Variants in HUNK observed in about 807,000 individuals in gnomAD.
HUNK encodes hormonally up-regulated Neu-associated kinase.
A neutral mutation model predicts 61.0 loss-of-function variants in HUNK; 21 were observed. The observed-to-expected ratio is 0.34, with a 90% confidence interval of 0.24 to 0.50. The LOEUF is 0.50. Ranked by LOEUF, HUNK falls within the 20% of genes least tolerant of loss-of-function variation. The probability of loss-of-function intolerance (pLI) is 0.98; values close to 1 mark genes in which losing one functional copy is unlikely to be tolerated. For missense variants in HUNK, 772 were observed against 945.7 expected (o/e 0.82, Z 2.41); for synonymous variants, 371 against 386.1 (o/e 0.96, Z 0.46).
chr21:31,873,674 G>T lies in HUNK; in HGVS notation c.-1G>T, dbSNP rs1482002806. On this transcript the variant is annotated 5_prime_UTR_variant, in exon 1 of 11. Coordinates refer to ENST00000270112, the MANE Select transcript of HUNK (RefSeq NM_014586.2). The surrounding 1 kb of genome is among the most constrained non-coding windows in gnomAD (Gnocchi z 6.1). ...GAGCCGCGCGGGCCGCGGCGAGCGCGATGCCGGCGGCGGCGGGGGACGGGC... is the reference window on the plus strand; with the variant it reads ...GAGCCGCGCGGGCCGCGGCGAGCGCTATGCCGGCGGCGGCGGGGGACGGGC... 9.9e-7 allele frequency: 1 copy of T among 1,009,344 alleles called. No homozygotes were observed. 62.5% of individuals were successfully genotyped at this position (1,009,344 alleles called of 1,614,324 possible). A position where few individuals can be genotyped will look rare whatever the true frequency, so the allele number is the denominator to read the frequency against.
chr21:31,912,628 A>G (rs1041750680), intron 1 of HUNK, among the ~76,000 whole-genome samples: 1 of 151,916 alleles, frequency 6.6e-6, no homozygotes, highest in African/African-American at 2.4e-5. Flanking sequence ...TGCAGCGTCA[A>G]CCTCCCAGGG....
At chr21:31,987,034 C>T (rs1045368822) in intron 8 of HUNK, among the ~76,000 whole-genome samples, 13 of 152,206 alleles carry the variant, frequency 8.5e-5, no homozygotes, top group African/African-American at 3.1e-4. Flanking sequence ...CACACGATGC[C>T]TGGCATGTAG....
In HUNK at chr21:31,951,191, A is replaced by AATAT. The variant is rs60578023; in HGVS notation, c.746+5034_746+5037dup. Among the ~76,000 whole-genome samples, 340 of 147,832 alleles carry AATAT rather than the reference A, an allele frequency of 2.3e-3. 4 individuals are homozygous for AATAT. Among genetic ancestry groups the AATAT allele is most frequent in the South Asian group, 0.016 (77 of 4,676 alleles). On this transcript the variant is annotated intron_variant, in intron 4 of 10. Coordinates refer to ENST00000270112, the MANE Select transcript of HUNK (RefSeq NM_014586.2). ...TCCTTTACCCCAGATTATATGTATA[A>AATAT]ATATATATATATATATAAAAATAAC...
At chr21:31,915,721 C>G (rs574591940) in intron 1 of HUNK, among the ~76,000 whole-genome samples, 2 of 152,260 alleles carry the variant, frequency 1.3e-5, no homozygotes, top group African/African-American at 2.4e-5. Context: ...ATCCTGTTAA[C>G]TCTGATCCTA....
At chr21:31,877,898 G>T (rs549433434) in intron 1 of HUNK, among the ~76,000 whole-genome samples, 7 of 152,158 alleles carry the variant, frequency 4.6e-5, no homozygotes, top group Non-Finnish European at 1.0e-4. Flanking sequence ...CTTGGGGGCT[G>T]CTGCATGATC....
intron 8 of HUNK, 152 bp downstream of exon 8, chr21:31,983,761 A>C (rs1211257175): frequency 1.6e-6 from 1 of 611,596 alleles, no homozygotes. Flanking sequence ...AATGGTTTAC[A>C]GCGGAACCAG....
chr21:31,913,517 C>T lies in HUNK; in HGVS notation c.262-10951C>T, dbSNP rs1387009693. Among the ~76,000 whole-genome samples, 4 of 151,762 alleles carry T rather than the reference C, an allele frequency of 2.6e-5. No homozygotes were observed. The East Asian group carries it at 7.8e-4, about 30-fold the overall frequency. On this transcript the variant is annotated intron_variant, in intron 1 of 10. Transcript: ENST00000270112. The stretch of plus-strand genomic sequence containing the variant: ...GCAGGGTGGCTGGAGGAGGATGTTA[C>T]AGTAGGGCCACCTGTGGATGGTTAC...
chr21:31,976,704 C>T (rs1693416170), intron 7 of HUNK, among the ~76,000 whole-genome samples: 1 of 150,994 alleles, frequency 6.6e-6, no homozygotes, highest in Admixed American at 6.6e-5. Context: ...TGACTTCAAG[C>T]GATCCTCCTA....
intron 1 of HUNK, among the ~76,000 whole-genome samples, chr21:31,887,899 G>T (rs1027200193): frequency 1.3e-5 from 2 of 152,142 alleles, no homozygotes; most frequent in South Asian, 4.2e-4. Flanking sequence ...GTAAAAACCT[G>T]CAGGAAAGAA....
intron 4 of HUNK, among the ~76,000 whole-genome samples, chr21:31,951,502 C>T (rs960444576): frequency 5.9e-5 from 9 of 152,038 alleles, no homozygotes; most frequent in African/African-American, 1.9e-4. Flanking sequence ...GAGAATGCAA[C>T]GTTGTTGGAC....
intron 5 of HUNK, among the ~76,000 whole-genome samples, chr21:31,961,519 A>G (rs2052928772): frequency 6.6e-6 from 1 of 152,228 alleles, no homozygotes; most frequent in Admixed American, 6.5e-5. Context: ...CCCACTAGCA[A>G]TATGTGCATG....
At chr21:31,988,656 C>G (rs906562735) in intron 8 of HUNK, among the ~76,000 whole-genome samples, 1 of 137,612 alleles carries the variant, frequency 7.3e-6, no homozygotes, top group African/African-American at 2.7e-5. Flanking sequence ...TCTCTCTTTT[C>G]TCTCTTTTCT....
chr21:31,885,799 A>G (rs1334387497), intron 1 of HUNK, among the ~76,000 whole-genome samples: 2 of 152,070 alleles, frequency 1.3e-5, no homozygotes, highest in Admixed American at 6.5e-5. Flanking sequence ...TAGTGGCACA[A>G]TCTTGGCTCA....
Position 31,974,540 on chromosome 21 carries a change from C to T in HUNK, c.1011-15C>T. On this transcript the variant is annotated splice_polypyrimidine_tract_variant and intron_variant, in intron 6 of 10. Transcript: ENST00000270112. Reference sequence around the variant, plus strand: ...AGTGCAGGGGTGACTGGTCCTCTCTCTCTGCACCTCGCAGGATTTCTCTGG... The same window carrying T: ...AGTGCAGGGGTGACTGGTCCTCTCTTTCTGCACCTCGCAGGATTTCTCTGG... The T allele has an allele frequency of 1.2e-6, 2 of 1,609,374 alleles. No homozygotes were observed. The highest frequency in any genetic ancestry group is 1.7e-6 in the Non-Finnish European group (2 of 1,177,762).
chr21:31,987,234 T>A (rs2053139871), intron 8 of HUNK, among the ~76,000 whole-genome samples: 1 of 152,152 alleles, frequency 6.6e-6, no homozygotes, highest in South Asian at 2.1e-4. Context: ...CATCACCAAA[T>A]GGCCGTGCCT....
intron 9 of HUNK, among the ~76,000 whole-genome samples, chr21:31,995,118 C>G (rs1360995437): frequency 1.4e-5 from 2 of 146,662 alleles, no homozygotes; most frequent in East Asian, 4.0e-4. Context: ...ATGATGACAC[C>G]ACTGCACCCC....
At chr21:31,922,892 A>G (rs957050690) in intron 1 of HUNK, among the ~76,000 whole-genome samples, 11 of 152,252 alleles carry the variant, frequency 7.2e-5, no homozygotes, top group African/African-American at 2.2e-4. Flanking sequence ...AAAAAGAGAA[A>G]TAACAAGAAA....
chr21:31,991,344 A>C lies in HUNK; in HGVS notation c.1305+1168A>C, dbSNP rs368474763. ...AATGATTCTCCTGTCTCAACCTCTC[A>C]AGTACCTGGGACTACAGACGCTCTC... is the stretch of plus-strand genomic sequence containing the variant. On this transcript the variant is annotated intron_variant, in intron 9 of 10. Coordinates refer to ENST00000270112, the MANE Select transcript of HUNK (RefSeq NM_014586.2). Among the ~76,000 whole-genome samples, 6 of 152,040 alleles carry C rather than the reference A, an allele frequency of 3.9e-5. No homozygotes were observed. The South Asian group carries it at 1.2e-3, about 32-fold the overall frequency.
At position 32,000,963 on chromosome 21, in the gene HUNK, A is replaced by G. The variant is rs756047609; in HGVS notation, c.*1779A>G. On this transcript the variant is annotated 3_prime_UTR_variant, in exon 11 of 11. Transcript: ENST00000270112. ...TGTATAGCTTCAGACTGGGTTCCAG[A>G]ACTTACCATTGAAAACAGAGCTTTT... The G allele has an allele frequency of 3.9e-5, 15 of 381,984 alleles. No homozygotes were observed. Among genetic ancestry groups the G allele is most frequent in the Non-Finnish European group, 6.9e-5 (15 of 216,244 alleles). 23.7% of individuals were successfully genotyped at this position (381,984 alleles called of 1,614,324 possible). A position where few individuals can be genotyped will look rare whatever the true frequency, so the allele number is the denominator to read the frequency against.
Sources: gnomAD v4.1 joint callset for allele counts (sites outside exome capture counted in the v4.1 genomes callset) on GRCh38, gnomAD v4.1.1 for gene constraint, Gnocchi (gnomAD v3.1) non-coding constraint, MANE v1.5 for transcripts, NCBI Gene and HGNC (gene_info 2026-07-23, HGNC 2026-07-21) for gene names.